COG3: variants seen among roughly 807,000 people sequenced by gnomAD.
The protein encoded by COG3 is component of oligomeric golgi complex 3.
In COG3, 32 loss-of-function variants were observed where a neutral mutation model predicts 114.1. The ratio of observed to expected loss-of-function variants is 0.28; its 90% CI spans 0.21 to 0.38. The LOEUF (loss-of-function observed/expected upper bound fraction) is 0.38, where lower values mean the gene tolerates loss of function less well. Among genes scored for constraint, COG3 ranks in the 10% least tolerant of loss-of-function variants. COG3 has a pLI of 1.00. For missense variants in COG3, 813 were observed against 973.2 expected (o/e 0.84, Z 2.19); for synonymous variants, 352 against 365.7 (o/e 0.96, Z 0.43).
chr13:45,483,296 C>G lies in COG3; in HGVS notation c.784C>G (p.Leu262Val), dbSNP rs778827131. Reference sequence around the variant, plus strand: ...ACAGTGTCTTTCTAAAGCTTTGCACCTCATGAAGACATATACTGTGAACAC... The same window carrying G: ...ACAGTGTCTTTCTAAAGCTTTGCACGTCATGAAGACATATACTGTGAACAC... The part of the protein sequence containing the change: ...FKQCLSKALH[L>V]MKTYTVNTLQ... The change falls in exon 7 of 23, where the codon CTC becomes GTC. Residue 262 changes from leucine to valine, a missense_variant. Transcript: ENST00000349995. 6.3e-7 allele frequency: 1 copy of G among 1,591,324 alleles called. No homozygotes were observed. The highest frequency in any genetic ancestry group is 1.1e-5 in the South Asian group (1 of 90,480).
intron 16 of COG3, among the ~76,000 whole-genome samples, chr13:45,514,891 G>A (rs997623118): frequency 6.6e-6 from 1 of 151,424 alleles, no homozygotes; most frequent in Non-Finnish European, 1.5e-5. Context: ...CTCGTGATCC[G>A]ACTGTCTCGG....
At chr13:45,479,621 T>C (rs1490378028) in intron 3 of COG3, among the ~76,000 whole-genome samples, 2 of 152,200 alleles carry the variant, frequency 1.3e-5, no homozygotes, top group Non-Finnish European at 2.9e-5. Flanking sequence ...AGGAAGGATA[T>C]TACTATTCTT....
Position 45,503,329 on chromosome 13 carries a change from C to A in COG3, c.1574C>A (p.Ser525Tyr). 6.3e-7 allele frequency: 1 copy of A among 1,586,912 alleles called. No homozygotes were observed. The highest frequency in any genetic ancestry group is 8.7e-7 in the Non-Finnish European group (1 of 1,155,532). ...GATGTTCACTTAGAAGAAGGAGAGT[C>A]TAACAGTCTGACAAAATCTGGTATG... ...FSDVHLEEGE[S>Y]NSLTKSGSTE... The change falls in exon 14 of 23, where the codon TCT becomes TAT. Residue 525 changes from serine (S) to tyrosine (Y), a missense_variant. Physicochemically the swap from Ser to Tyr is moderately radical, Grantham distance 144. Around this residue, in one of 2 missense-constraint regions of COG3, gnomAD observed 389 missense variants for 542.6 expected, o/e 0.72. Transcript: ENST00000349995.
At chr13:45,523,647 G>A (rs1443519043) in intron 19 of COG3, among the ~76,000 whole-genome samples, 2 of 152,130 alleles carry the variant, frequency 1.3e-5, no homozygotes, top group Admixed American at 6.5e-5. Flanking sequence ...AAAAATACTT[G>A]TGCGAAACCT....
intron 1 of COG3, among the ~76,000 whole-genome samples, chr13:45,473,510 A>G (rs1420234562): frequency 6.6e-6 from 1 of 152,162 alleles, no homozygotes; most frequent in African/African-American, 2.4e-5. Flanking sequence ...TGAATTTGTG[A>G]TGATCTGTTC....
In COG3 at chr13:45,499,857, A is replaced by G. The variant is rs1869259364; in HGVS notation, c.1489-3387A>G. 2.0e-5 allele frequency among the ~76,000 whole-genome samples: 3 copies of G among 152,098 alleles called. No homozygotes were observed. The South Asian group carries it at 6.2e-4, about 32-fold the overall frequency. On this transcript the variant is annotated intron_variant, in intron 13 of 22. Transcript: ENST00000349995. ...CACAACACAGTGAAACCCCATCTCT[A>G]CAAAAAATACAAAAATGAGGCAGGC...
In COG3 at chr13:45,496,245, C is replaced by T. The variant is rs141105698; in HGVS notation, c.1421C>T (p.Thr474Met). ...LVYRTHIYIQ[T>M]DITGYKPAPG... ...TACCGAACCCACATCTATATTCAGA[C>T]GGACATCACGGGCTATAAACCAGCT... The change falls in exon 13 of 23, where the codon ACG (threonine) becomes ATG (methionine). Residue 474 changes from threonine to methionine, a missense_variant. Physicochemically the swap from Thr to Met is moderately conservative, Grantham distance 81. This residue lies in a region of COG3 where 389 missense variants were observed against 542.6 expected (regional missense o/e 0.72). Transcript: ENST00000349995. The T allele has an allele frequency of 3.8e-5, 62 of 1,612,414 alleles. No individual in the cohort carries two copies. Among genetic ancestry groups the T allele is most frequent in the Middle Eastern group, 1.6e-4 (1 of 6,074 alleles).
At chr13:45,504,613 G>C (rs996584783) in intron 14 of COG3, among the ~76,000 whole-genome samples, 1 of 152,144 alleles carries the variant, frequency 6.6e-6, no homozygotes, top group African/African-American at 2.4e-5. Flanking sequence ...GGTGGTGTTG[G>C]GGGGATGGAG....
chr13:45,513,459 T>A (rs7985524), intron 16 of COG3, among the ~76,000 whole-genome samples: 3 of 72,576 alleles, frequency 4.1e-5, no homozygotes, highest in African/African-American at 8.5e-5. Context: ...ATATATATAA[T>A]ATATACATAT....
intron 13 of COG3, among the ~76,000 whole-genome samples, chr13:45,496,564 T>C (rs1035183947): frequency 6.6e-6 from 1 of 152,068 alleles, no homozygotes; most frequent in Non-Finnish European, 1.5e-5. Context: ...TTTTAATTCT[T>C]CCTCAAAATG....
Position 45,534,787 on chromosome 13 carries a change from G to T in COG3, c.*56G>T. 6.5e-7 allele frequency: 1 copy of T among 1,528,136 alleles called. No individual in the cohort carries two copies. The highest frequency in any genetic ancestry group is 8.8e-7 in the Non-Finnish European group (1 of 1,138,394). 94.7% of individuals were successfully genotyped at this position (1,528,136 alleles called of 1,614,324 possible). On this transcript the variant is annotated 3_prime_UTR_variant, in exon 23 of 23. Transcript: ENST00000349995. ...CTGTCTGGGAGGAGCAGGCTGAGAA[G>T]TCTTGCAGTCTGCAGGACACCGAGG...
chr13:45,530,535 A>G (rs1873082062), intron 21 of COG3, 147 bp from the exon 22 acceptor site: 1 of 586,196 alleles, frequency 1.7e-6, no homozygotes. Context: ...GCACTGAAAT[A>G]TTAAGAGCAA....
intron 14 of COG3, among the ~76,000 whole-genome samples, chr13:45,507,807 T>C (rs1219014862): frequency 2.8e-5 from 4 of 143,906 alleles, no homozygotes; most frequent in Non-Finnish European, 6.0e-5. Flanking sequence ...TGGTGGCTCA[T>C]GCCTGTAATC....
intron 22 of COG3, 179 bp downstream of exon 22, chr13:45,530,959 T>G: frequency 1.0e-6 from 1 of 983,732 alleles, no homozygotes; most frequent in Non-Finnish European, 1.2e-6. Context: ...GGGGGATAGT[T>G]TTAGAATTTT....
At chr13:45,475,830 G>T (rs1020533841) in intron 1 of COG3, among the ~76,000 whole-genome samples, 8 of 151,976 alleles carry the variant, frequency 5.3e-5, no homozygotes, top group Non-Finnish European at 1.0e-4. Context: ...GCTGGGCGTG[G>T]TGTTGCGTGC....
intron 1 of COG3, among the ~76,000 whole-genome samples, chr13:45,471,233 G>A (rs1038643548): frequency 2.9e-5 from 4 of 137,314 alleles, no homozygotes; most frequent in South Asian, 2.6e-4. Flanking sequence ...GTGAGACCTC[G>A]TCTCTACAGA....
chr13:45,518,453 A>T (rs969212054), intron 17 of COG3, among the ~76,000 whole-genome samples: 1 of 152,190 alleles, frequency 6.6e-6, no homozygotes, highest in African/African-American at 2.4e-5. Context: ...TTTTTTAAAA[A>T]CCTATTTAAT....
chr13:45,478,743 C>A (rs1886067991), intron 2 of COG3, among the ~76,000 whole-genome samples: 1 of 152,228 alleles, frequency 6.6e-6, no homozygotes. Flanking sequence ...CCCACCTCGG[C>A]CTCCCAAAGT....
intron 13 of COG3, among the ~76,000 whole-genome samples, chr13:45,500,067 A>T (rs9634670): frequency 0.54 from 60,733 of 112,016 alleles, 14,278 homozygotes; most frequent in Admixed American, 0.6. Flanking sequence ...TGTGTGTGTG[A>T]GTGTGTGTGT....
Sources: allele counts gnomAD v4.1 joint callset (sites outside exome capture counted in the v4.1 genomes callset), GRCh38; gene constraint gnomAD v4.1.1; regional missense constraint gnomAD v4.1.1; transcripts MANE v1.5; gene names NCBI Gene and HGNC (gene_info 2026-07-23, HGNC 2026-07-21).